The following DOCK3 variants were observed in gnomAD, a reference collection of about 807,000 sequenced individuals.
The protein encoded by DOCK3 is dedicator of cytokinesis protein 3.
DOCK3 carries 60 observed loss-of-function variants against 265.6 expected under a neutral mutation model. The ratio of observed to expected loss-of-function variants is 0.23; its 90% confidence interval spans 0.18 to 0.28. DOCK3 has a LOEUF of 0.28. Ranked by LOEUF, DOCK3 falls within the 10% of genes least tolerant of loss-of-function variation. DOCK3 has a pLI of 1.00. For synonymous variants in DOCK3, 881 were observed against 938.0 expected, an observed-to-expected ratio of 0.94 and a Z score of 1.11; for missense variants, 1,981 against 2,594.3, an observed-to-expected ratio of 0.76 and a Z score of 5.14.
intron 9 of DOCK3, among the ~76,000 whole-genome samples, chr3:51,132,513 G>A (rs2084604209): frequency 6.6e-6 from 1 of 152,184 alleles, no homozygotes; most frequent in Non-Finnish European, 1.5e-5. Context: ...ACTCAGGGCA[G>A]TCATAGCAGA....
rs201803035 is a variant in DOCK3, at chr3:50,959,530, T to TTGTGTG, written c.315+25477_315+25482dup. 6.2e-5 allele frequency among the ~76,000 whole-genome samples: 9 copies of TTGTGTG among 146,174 alleles called. 2 individuals carry two copies. Among genetic ancestry groups the TTGTGTG allele is most frequent in the African/African-American group, 2.0e-4 (8 of 39,422 alleles). ...GTAATCACATTTTACTCTTTTTATG[T>TTGTGTG]TGTGTGTGTGTGTGTGTGTGTGTGT... On this transcript the variant is annotated intron_variant, in intron 5 of 52. Transcript: ENST00000266037.
chr3:50,849,415 C>CAT (rs1171056701), intron 3 of DOCK3, among the ~76,000 whole-genome samples: 3 of 151,624 alleles, frequency 2.0e-5, no homozygotes, highest in Non-Finnish European at 4.4e-5. Context: ...TACACACACA[C>CAT]ATATATATAT....
rs201652891 is a variant in DOCK3 at position 50,916,490 on chromosome 3, C to T, written c.219-17491C>T. ...GAGTTTGTATTGCTCCTTTGATGCA[C>T]TCTGGCACTCTCCCTCAGTTATTTT... is the stretch of plus-strand genomic sequence containing the variant. On this transcript the variant is annotated intron_variant, in intron 4 of 52. Coordinates refer to ENST00000266037, the MANE Select transcript of DOCK3 (RefSeq NM_004947.5). Among the ~76,000 whole-genome samples the T allele has an allele frequency of 3.3e-5, 5 of 152,052 alleles. No individual in the cohort carries two copies. The East Asian group carries it at 9.6e-4, about 29-fold the overall frequency.
intron 22 of DOCK3, among the ~76,000 whole-genome samples, chr3:51,252,575 C>T (rs904532581): frequency 2.6e-5 from 4 of 152,118 alleles, no homozygotes; most frequent in African/African-American, 7.2e-5. Context: ...AGAGGTCCTT[C>T]GCATCCCTTG....
At chr3:51,065,278 G>A (rs527388317) in intron 6 of DOCK3, among the ~76,000 whole-genome samples, 3 of 152,104 alleles carry the variant, frequency 2.0e-5, no homozygotes, top group Non-Finnish European at 2.9e-5. Flanking sequence ...GAACTTTTAA[G>A]TGACCAGGTT....
intron 51 of DOCK3, 110 bp from the exon 52 acceptor site, chr3:51,380,015 G>T (rs2088492385): frequency 1.0e-6 from 1 of 974,034 alleles, no homozygotes; most frequent in East Asian, 2.7e-5. Context: ...AATGCTGAGG[G>T]GTCCCCAGGG....
chr3:50,724,343 G>A (rs993386453), intron 1 of DOCK3, among the ~76,000 whole-genome samples: 12 of 152,216 alleles, frequency 7.9e-5, no homozygotes, highest in African/African-American at 2.9e-4. Context: ...CCCATTACTG[G>A]GTATATACCC....
At chr3:50,844,322 C>T (rs998687030) in intron 3 of DOCK3, among the ~76,000 whole-genome samples, 15 of 152,118 alleles carry the variant, frequency 9.9e-5, no homozygotes, top group African/African-American at 3.6e-4. Flanking sequence ...CTTAGGCTAC[C>T]GTCCTCCCTC....
At chr3:50,908,873 C>G (rs1311462241) in intron 4 of DOCK3, among the ~76,000 whole-genome samples, 1 of 152,024 alleles carries the variant, frequency 6.6e-6, no homozygotes, top group Non-Finnish European at 1.5e-5. Flanking sequence ...TCTCTAAGAG[C>G]TTGCTTTATG....
chr3:51,235,486 A>T (rs2078314054), intron 19 of DOCK3, among the ~76,000 whole-genome samples: 1 of 152,216 alleles, frequency 6.6e-6, no homozygotes, highest in Non-Finnish European at 1.5e-5. Flanking sequence ...TTCTTATTGG[A>T]AGATTTCAAG....
intron 3 of DOCK3, chr3:50,863,539 T>C (rs2047012100): frequency 6.4e-6 from 3 of 466,204 alleles, no homozygotes; most frequent in South Asian, 5.0e-5. Context: ...CGATCTTTGC[T>C]AGACTCTCGA....
At chr3:50,814,686 A>G (rs2043968295) in intron 2 of DOCK3, among the ~76,000 whole-genome samples, 1 of 152,232 alleles carries the variant, frequency 6.6e-6, no homozygotes, top group Non-Finnish European at 1.5e-5. Context: ...AAACCGGACT[A>G]TAAAATGCCT....
chr3:50,799,583 T>G (rs989140979), intron 2 of DOCK3, among the ~76,000 whole-genome samples: 1 of 152,198 alleles, frequency 6.6e-6, no homozygotes, highest in African/African-American at 2.4e-5. Context: ...ACTGAATTAG[T>G]TTATCAGTTC....
rs866188211 is a variant in DOCK3, at chr3:51,041,188, A to G, written c.316-23260A>G. On this transcript the variant is annotated intron_variant, in intron 5 of 52. Transcript: ENST00000266037. Reference sequence around the variant, plus strand: ...TATATATATATATATATATATATATATATATATATATATATATTTTTTTTT... The same window carrying G: ...TATATATATATATATATATATATATGTATATATATATATATATTTTTTTTT... Among the ~76,000 whole-genome samples the G allele has an allele frequency of 3.8e-4, 5 of 13,268 alleles. No individual in the cohort carries two copies. In the South Asian group the frequency reaches 7.2e-3, roughly 19 times the overall value. The allele number at this position is 13,268 out of a possible 152,430, so 8.7% of individuals were successfully genotyped here.
At chr3:51,025,793 C>G (rs2108910436) in intron 5 of DOCK3, among the ~76,000 whole-genome samples, 1 of 152,336 alleles carries the variant, frequency 6.6e-6, no homozygotes, top group East Asian at 1.9e-4. Flanking sequence ...CCCCTTCCCA[C>G]TGTTGCTTCT....
intron 1 of DOCK3, among the ~76,000 whole-genome samples, chr3:50,768,399 T>A (rs2041049617): frequency 6.6e-6 from 1 of 152,128 alleles, no homozygotes. Flanking sequence ...ATATCCCTGA[T>A]GAACATCGAT....
intron 2 of DOCK3, among the ~76,000 whole-genome samples, chr3:50,788,716 A>G (rs1422324688): frequency 1.4e-5 from 2 of 145,758 alleles, no homozygotes; most frequent in African/African-American, 5.0e-5. Context: ...CTATGTGGCC[A>G]CCACTCCCAT....
intron 7 of DOCK3, among the ~76,000 whole-genome samples, chr3:51,077,948 A>T (rs1420020392): frequency 6.6e-6 from 1 of 152,218 alleles, no homozygotes; most frequent in Non-Finnish European, 1.5e-5. Context: ...ACAACCAAGC[A>T]TCAATAGACA....
At chr3:51,340,185 G>A (rs866378233) in intron 37 of DOCK3, among the ~76,000 whole-genome samples, 25 of 152,350 alleles carry the variant, frequency 1.6e-4, no homozygotes, top group Non-Finnish European at 2.4e-4. Context: ...CCATGACTGA[G>A]AGGCTGGGTC....
Sources: gnomAD v4.1 joint callset for allele counts (sites outside exome capture counted in the v4.1 genomes callset) on GRCh38, gnomAD v4.1.1 for gene constraint, MANE v1.5 for transcripts, NCBI Gene and HGNC (gene_info 2026-07-23, HGNC 2026-07-21) for gene names.